SCN8A: variants seen among roughly 807,000 people sequenced by gnomAD.
SCN8A encodes the protein sodium channel protein type 8 subunit alpha.
SCN8A carries 30 observed loss-of-function variants against 184.1 expected under a neutral mutation model. That is an observed-to-expected ratio of 0.16 (90% CI 0.12 to 0.22). SCN8A has a LOEUF of 0.22. SCN8A is among the 10% of genes least tolerant of loss of function. The probability of loss-of-function intolerance (pLI) is 1.00; values close to 1 mark genes in which losing one functional copy is unlikely to be tolerated. For missense variants in SCN8A, 1,057 were observed against 2,498.9 expected (o/e 0.42, Z 12.30); for synonymous variants, 852 against 907.0 (o/e 0.94, Z 1.09).
chr12:51,697,566 G>C (rs1382293187), intron 6 of SCN8A, among the ~76,000 whole-genome samples: 1 of 152,152 alleles, frequency 6.6e-6, no homozygotes, highest in Non-Finnish European at 1.5e-5. Flanking sequence ...ATTATATGAG[G>C]TTAGCCCTGA....
chr12:51,597,136 A>T (rs1939365252), intron 1 of SCN8A, among the ~76,000 whole-genome samples: 1 of 152,192 alleles, frequency 6.6e-6, no homozygotes, highest in Non-Finnish European at 1.5e-5. Context: ...AAAAGCCAGA[A>T]GCCTGAGGGT....
At chr12:51,681,712 G>C (rs555812542) in intron 2 of SCN8A, among the ~76,000 whole-genome samples, 2 of 152,296 alleles carry the variant, frequency 1.3e-5, no homozygotes, top group East Asian at 3.9e-4. Flanking sequence ...CACTAGGGAT[G>C]GTGTAGTGGG....
At chr12:51,634,653 A>ATTTT (rs1269981442) in intron 1 of SCN8A, among the ~76,000 whole-genome samples, 11 of 62,502 alleles carry the variant, frequency 1.8e-4, no homozygotes, top group African/African-American at 5.3e-4. Context: ...TATTATTATT[A>ATTTT]TTATTTTTTT....
At chr12:51,685,759 G>A (rs2138710701) in intron 3 of SCN8A, among the ~76,000 whole-genome samples, 1 of 152,266 alleles carries the variant, frequency 6.6e-6, no homozygotes, top group East Asian at 1.9e-4. Context: ...AGGGAAGGCT[G>A]GGTATGATGG....
At chr12:51,682,088 A>G (rs1941344742) in intron 2 of SCN8A, among the ~76,000 whole-genome samples, 1 of 152,202 alleles carries the variant, frequency 6.6e-6, no homozygotes, top group Non-Finnish European at 1.5e-5. Flanking sequence ...ATCTATTAAG[A>G]TGATCATGTG....
chr12:51,627,389 G>A (rs970799423), intron 1 of SCN8A, among the ~76,000 whole-genome samples: 3 of 152,174 alleles, frequency 2.0e-5, no homozygotes, highest in Non-Finnish European at 4.4e-5. Flanking sequence ...GAATGAATGA[G>A]TGTATCTCTT....
At chr12:51,615,419 T>G (rs1939814115) in intron 1 of SCN8A, among the ~76,000 whole-genome samples, 1 of 152,156 alleles carries the variant, frequency 6.6e-6, no homozygotes, top group Admixed American at 6.5e-5. Flanking sequence ...GTGGGCGTGG[T>G]GGCTCATGCC....
intron 6 of SCN8A, among the ~76,000 whole-genome samples, chr12:51,693,748 C>T (rs1941548848): frequency 6.6e-6 from 1 of 152,060 alleles, no homozygotes; most frequent in Non-Finnish European, 1.5e-5. Flanking sequence ...TGAACCCAAG[C>T]CTAACTCTGG....
At chr12:51,609,034 G>A (rs868451787) in intron 1 of SCN8A, among the ~76,000 whole-genome samples, 1 of 152,146 alleles carries the variant, frequency 6.6e-6, no homozygotes, top group Non-Finnish European at 1.5e-5. Flanking sequence ...CTATGTATTT[G>A]CATGGTTTTG....
chr12:51,631,976 C>T (rs1940205350), intron 1 of SCN8A, among the ~76,000 whole-genome samples: 1 of 152,200 alleles, frequency 6.6e-6, no homozygotes, highest in African/African-American at 2.4e-5. Flanking sequence ...CCCCACTCCC[C>T]TGTCTAATAT....
chr12:51,658,399 A>G (rs925138897), intron 1 of SCN8A, among the ~76,000 whole-genome samples: 2 of 152,012 alleles, frequency 1.3e-5, no homozygotes, highest in Non-Finnish European at 2.9e-5. Flanking sequence ...CTTTCTTGAT[A>G]TCTTTTTCTG....
chr12:51,736,001 G>A (rs1009138135), intron 12 of SCN8A, among the ~76,000 whole-genome samples: 5 of 152,140 alleles, frequency 3.3e-5, no homozygotes, highest in Admixed American at 1.3e-4. Context: ...TCTGGCCTTT[G>A]GGCAGGCTCA....
chr12:51,755,225 G>A (rs551794363), intron 14 of SCN8A, among the ~76,000 whole-genome samples: 10 of 152,154 alleles, frequency 6.6e-5, no homozygotes, highest in Admixed American at 6.5e-4. Context: ...CATTTGAAAC[G>A]ATTTAAATTT....
intron 1 of SCN8A, among the ~76,000 whole-genome samples, chr12:51,592,500 C>T (rs553284413): frequency 1.4e-4 from 22 of 152,216 alleles, no homozygotes; most frequent in African/African-American, 4.6e-4. Context: ...TGAGGGAATA[C>T]ATTTTATGTC....
chr12:51,662,760 C>G lies in SCN8A; in HGVS notation c.-54-4C>G, dbSNP rs984623592. 2.4e-5 allele frequency: 37 copies of G among 1,561,178 alleles called. No individual in the cohort carries two copies. In the Admixed American group the frequency reaches 6.6e-4, roughly 28 times the overall value. On this transcript the variant is annotated splice_region_variant and splice_polypyrimidine_tract_variant and intron_variant, in intron 1 of 26. Coordinates refer to ENST00000627620, the MANE Select transcript of SCN8A (RefSeq NM_001330260.2). ...AATGCTGTCTGTGTTGCTGTTTCTT[C>G]CAGAGCTGACCTGTCCTGGACGCAG...
chr12:51,607,643 C>A (rs1471090016), intron 1 of SCN8A, among the ~76,000 whole-genome samples: 1 of 152,164 alleles, frequency 6.6e-6, no homozygotes, highest in Non-Finnish European at 1.5e-5. Flanking sequence ...TAAAGCGATG[C>A]TGCATTTTGT....
At chr12:51,676,846 C>G (rs1941230676) in intron 2 of SCN8A, among the ~76,000 whole-genome samples, 1 of 152,234 alleles carries the variant, frequency 6.6e-6, no homozygotes, top group Admixed American at 6.5e-5. Context: ...TGCAGATTAC[C>G]TTTGCCCTAG....
intron 1 of SCN8A, among the ~76,000 whole-genome samples, chr12:51,650,632 TAAAC>T (rs1229741683): frequency 6.7e-6 from 1 of 149,130 alleles, no homozygotes; most frequent in Admixed American, 6.8e-5. Flanking sequence ...AAACTGGCCA[TAAAC>T]AAAATCTCTG....
chr12:51,665,509 A>G (rs1433396023), intron 2 of SCN8A, among the ~76,000 whole-genome samples: 1 of 152,258 alleles, frequency 6.6e-6, no homozygotes, highest in African/African-American at 2.4e-5. Flanking sequence ...CAGCATGTCA[A>G]GAAAGAACAT....
Sources: gnomAD v4.1 joint callset for allele counts (sites outside exome capture counted in the v4.1 genomes callset) on GRCh38, gnomAD v4.1.1 for gene constraint, MANE v1.5 for transcripts, NCBI Gene and HGNC (gene_info 2026-07-23, HGNC 2026-07-21) for gene names.